The following ZNF536 variants were observed in gnomAD, a reference collection of about 807,000 sequenced individuals.
The protein encoded by ZNF536 is zinc finger protein 536.
Under a neutral mutation model 84.5 loss-of-function variants are expected in ZNF536, and 13 were observed. The observed-to-expected ratio is 0.15, with a 90% confidence interval of 0.10 to 0.24. The LOEUF (loss-of-function observed/expected upper bound fraction) is 0.24. ZNF536 is among the 10% of genes least tolerant of loss of function. The pLI, the probability that ZNF536 is intolerant of heterozygous loss-of-function variation, is 1.00. For synonymous variants in ZNF536, 811 were observed against 742.5 expected, an observed-to-expected ratio of 1.09 and a Z score of -1.50; for missense variants, 1,536 against 1,747.5, an observed-to-expected ratio of 0.88 and a Z score of 2.16.
rs979592984 is a variant in ZNF536, at chr19:30,276,048, A to G, written c.-189-8024A>G. Among the ~76,000 whole-genome samples, 4 of 152,024 alleles carry G rather than the reference A, an allele frequency of 2.6e-5. No homozygotes were observed. In the East Asian group the frequency reaches 7.7e-4, roughly 29 times the overall value. ...TTAATTGTAGGTTTGGGGACTTGCA[A>G]GCAATAATCAAAGCCAATAAACTTC... On this transcript the variant is annotated intron_variant, in intron 1 of 5. Transcript: ENST00000585628.
intron 1 of ZNF536, among the ~76,000 whole-genome samples, chr19:30,278,606 G>A (rs1418040118): frequency 6.6e-6 from 1 of 152,066 alleles, no homozygotes; most frequent in East Asian, 1.9e-4. Context: ...TTTGGGAGCT[G>A]GTTCCCTGTG....
chr19:30,450,740 A>G (rs910813928), intron 2 of ZNF536, among the ~76,000 whole-genome samples: 1 of 152,172 alleles, frequency 6.6e-6, no homozygotes, highest in Non-Finnish European at 1.5e-5. Context: ...TTCCAGAGGG[A>G]CCTTATGAAC....
chr19:30,679,856 G>T (rs1026666138), intron 1 of ZNF536, among the ~76,000 whole-genome samples: 1 of 152,202 alleles, frequency 6.6e-6, no homozygotes, highest in South Asian at 2.1e-4. Flanking sequence ...GGAGAGGGGG[G>T]TCAGCTCTGG....
At chr19:30,442,623 C>G (rs1408120314) in intron 1 of ZNF536, among the ~76,000 whole-genome samples, 1 of 152,056 alleles carries the variant, frequency 6.6e-6, no homozygotes, top group African/African-American at 2.4e-5. Flanking sequence ...TTCCTTTGAC[C>G]CAAATTTGAA....
At position 30,557,323 on chromosome 19, in the gene ZNF536, G is replaced by T. The variant is rs968219489; in HGVS notation, c.*159G>T. ...TGGCATAGGTATGTGTATACACACG[G>T]TGCACCAATCTACAGTATATATAGC... On this transcript the variant is annotated 3_prime_UTR_variant, in exon 5 of 5. Transcript: ENST00000355537. The T allele has an allele frequency of 5.2e-5, 40 of 765,964 alleles. No homozygotes were observed. In the East Asian group the frequency reaches 9.6e-4, roughly 18 times the overall value. The allele number at this position is 765,964 out of a possible 1,614,324, so 47.4% of individuals were successfully genotyped here.
chr19:30,688,233 G>A (rs1049296220), intron 1 of ZNF536, among the ~76,000 whole-genome samples: 8 of 152,128 alleles, frequency 5.3e-5, no homozygotes, highest in Non-Finnish European at 2.9e-5. Context: ...TAATAACTCA[G>A]GTGCCCGGAT....
chr19:30,264,966 T>TGTGTGTGTGTGA (rs59889852), intron 1 of ZNF536, among the ~76,000 whole-genome samples: 17 of 133,774 alleles, frequency 1.3e-4, no homozygotes, highest in Non-Finnish European at 2.5e-4. Flanking sequence ...TGTGTGTGTG[T>TGTGTGTGTGTGA]GAGAGAGAGA....
At chr19:30,599,298 C>T (rs2047591585) in intron 1 of ZNF536, among the ~76,000 whole-genome samples, 1 of 125,564 alleles carries the variant, frequency 8.0e-6, no homozygotes, top group African/African-American at 3.1e-5. Context: ...TCCTACCTCC[C>T]TTCATTTCTT....
At position 30,484,390 on chromosome 19, in the gene ZNF536, C is replaced by CTTTT. The variant is rs375461433; in HGVS notation, c.2170+38674_2170+38677dup. 6.6e-4 allele frequency among the ~76,000 whole-genome samples: 78 copies of CTTTT among 117,414 alleles called. 2 individuals carry two copies. The highest frequency in any genetic ancestry group is 2.6e-3 in the African/African-American group (73 of 27,806). 77.0% of individuals were successfully genotyped at this position (117,414 alleles called of 152,430 possible). A position where few individuals can be genotyped will look rare whatever the true frequency, so the allele number is the denominator to read the frequency against. ...TACAGGCACCCACCGTCATGCCCAG[C>CTTTT]TTTTTTTTTTTTTTTTTTTGTATTT... is the stretch of plus-strand genomic sequence containing the variant. On this transcript the variant is annotated intron_variant, in intron 2 of 4. Transcript: ENST00000355537.
At chr19:30,415,676 T>A (rs1324403937) in intron 1 of ZNF536, among the ~76,000 whole-genome samples, 1 of 152,152 alleles carries the variant, frequency 6.6e-6, no homozygotes, top group Non-Finnish European at 1.5e-5. Context: ...AGTGGCATGA[T>A]CTCGGCTCAC....
At chr19:30,572,381 G>C (rs767288983) in intron 1 of ZNF536, among the ~76,000 whole-genome samples, 13 of 152,134 alleles carry the variant, frequency 8.5e-5, no homozygotes, top group Non-Finnish European at 1.8e-4. Context: ...GGCAGCTGTG[G>C]GATATGGAGA....
At chr19:30,245,050 C>A in intron 1 of ZNF536, among the ~76,000 whole-genome samples, 1 of 152,184 alleles carries the variant, frequency 6.6e-6, no homozygotes, top group Admixed American at 6.5e-5. Context: ...ACCCATGCCA[C>A]CCCATCCACC....
intron 2 of ZNF536, among the ~76,000 whole-genome samples, chr19:30,329,055 G>A (rs541924503): frequency 2.0e-5 from 3 of 152,176 alleles, no homozygotes; most frequent in African/African-American, 7.2e-5. Flanking sequence ...TTCTTTGAGG[G>A]GTTGCTTTGC....
At chr19:30,535,021 A>G in intron 3 of ZNF536, 22 bp downstream of exon 3, 1 of 1,600,472 alleles carries the variant, frequency 6.2e-7, no homozygotes. Flanking sequence ...GAGTGCATCC[A>G]GGGGCACAGC....
chr19:30,344,919 A>C (rs922764087), intron 2 of ZNF536, among the ~76,000 whole-genome samples: 1 of 152,184 alleles, frequency 6.6e-6, no homozygotes. Flanking sequence ...TGAATGGCAC[A>C]TGAGTCAGCC....
Position 30,444,333 on chromosome 19 carries a change from G to A in ZNF536, c.771G>A (p.Ser257=), listed in dbSNP as rs1200417978. The A allele has an allele frequency of 1.3e-6, 2 of 1,593,398 alleles. No homozygotes were observed. Among genetic ancestry groups the A allele is most frequent in the South Asian group, 1.1e-5 (1 of 90,134 alleles). Residue 257 remains serine (S), a synonymous_variant, in exon 2 of 5, where the codon TCG becomes TCA. Transcript: ENST00000355537. ...CCGACGTGGCCCACCCGGTGCCCTC[G>A]CCCAAGCCTGCCAGCGTGCAGGAGG... The part of the protein sequence containing the change: ...SVPDVAHPVP[S]PKPASVQEDA...
chr19:30,636,867 G>C (rs1418730928), intron 1 of ZNF536, among the ~76,000 whole-genome samples: 1 of 152,144 alleles, frequency 6.6e-6, no homozygotes, highest in South Asian at 2.1e-4. Flanking sequence ...CCTTTCTCCT[G>C]TGCGTTCTGG....
At chr19:30,337,450 C>T (rs914805825) in intron 2 of ZNF536, among the ~76,000 whole-genome samples, 1 of 152,140 alleles carries the variant, frequency 6.6e-6, no homozygotes, top group African/African-American at 2.4e-5. Flanking sequence ...TCATTATAAT[C>T]GAGATTAGCC....
chr19:30,630,399 CCGTGTG>C (rs2048845468), intron 1 of ZNF536, among the ~76,000 whole-genome samples: 1 of 59,680 alleles, frequency 1.7e-5, no homozygotes, highest in African/African-American at 5.1e-5. Context: ...AGGAAGTATC[CCGTGTG>C]TGTGTGTGTG....
Sources: allele counts gnomAD v4.1 joint callset (sites outside exome capture counted in the v4.1 genomes callset), GRCh38; gene constraint gnomAD v4.1.1; transcripts MANE v1.5; gene names NCBI Gene and HGNC (gene_info 2026-07-23, HGNC 2026-07-21).